Variants in CCDC181 observed in about 807,000 individuals in gnomAD.
CCDC181 encodes coiled-coil domain containing 181.
In CCDC181, 35 loss-of-function variants were observed where a neutral mutation model predicts 58.7. The observed-to-expected ratio is 0.60, with a 90% CI of 0.46 to 0.79. The LOEUF is 0.79. CCDC181 is among the 30% of genes least tolerant of loss of function. CCDC181 has a pLI of 0.00. For synonymous variants in CCDC181, 183 were observed against 197.5 expected, an observed-to-expected ratio of 0.93 and a Z score of 0.62; for missense variants, 517 against 583.9, an observed-to-expected ratio of 0.89 and a Z score of 1.18.
At chr1:169,425,374 T>C (rs1012537171) in intron 1 of CCDC181, among the ~76,000 whole-genome samples, 3 of 151,794 alleles carry the variant, frequency 2.0e-5, no homozygotes, top group African/African-American at 7.2e-5. Flanking sequence ...AAAATAACTG[T>C]TAATTGTTCA....
intron 2 of CCDC181, among the ~76,000 whole-genome samples, chr1:169,447,309 C>T (rs1335923957): frequency 5.3e-5 from 8 of 152,088 alleles, no homozygotes; most frequent in South Asian, 2.1e-4. Flanking sequence ...GACAAGGTTT[C>T]GCCATGATGG....
At chr1:169,454,341 A>G (rs1657628673) in intron 2 of CCDC181, 1 of 152,092 alleles carries the variant, frequency 6.6e-6, no homozygotes, top group Non-Finnish European at 1.5e-5. Context: ...ATGTATAGAT[A>G]ATTCAACACA....
At chr1:169,400,611 T>C (rs1482033361) in intron 4 of CCDC181, among the ~76,000 whole-genome samples, 1 of 152,096 alleles carries the variant, frequency 6.6e-6, no homozygotes, top group Non-Finnish European at 1.5e-5. Flanking sequence ...AGGTCTAATA[T>C]GTAAGAAATG....
At chr1:169,399,362 T>C (rs1183719868) in intron 4 of CCDC181, among the ~76,000 whole-genome samples, 1 of 152,222 alleles carries the variant, frequency 6.6e-6, no homozygotes, top group African/African-American at 2.4e-5. Context: ...AAAAATTGAA[T>C]GGATAGTTTT....
At position 169,435,922 on chromosome 1, in the gene CCDC181, G is replaced by A. The variant is rs150878958; in HGVS notation, c.-23-10972C>T. On this transcript the variant is annotated intron_variant, in intron 2 of 6. Coordinates refer to the CCDC181 transcript ENST00000545005. ...ATAACTGAGCATTAAAGGTGAAATG[G>A]ATAGTGTAAAAATCATAATAACATC... 8.4e-3 allele frequency among the ~76,000 whole-genome samples: 1,279 copies of A among 152,234 alleles called. 9 individuals carry two copies. Among genetic ancestry groups the A allele is most frequent in the Middle Eastern group, 0.017 (5 of 294 alleles).
At chr1:169,451,398 G>T (rs1657530212) in intron 2 of CCDC181, 1 of 152,056 alleles carries the variant, frequency 6.6e-6, no homozygotes, top group African/African-American at 2.4e-5. Flanking sequence ...AACTATAGTA[G>T]CACAATTTGT....
rs1409493390 is a variant in CCDC181 at position 169,422,001 on chromosome 1, C to G, written c.430G>C (p.Val144Leu). The change falls in exon 3 of 6, where the codon GTG (valine) becomes CTG (leucine). Residue 144 changes from valine (V) to leucine (L), a missense_variant. Physicochemically the swap from Val to Leu is conservative, Grantham distance 32. Coordinates refer to ENST00000367806, the MANE Select transcript of CCDC181 (RefSeq NM_001300969.2). The stretch of plus-strand genomic sequence containing the variant: ...AGTTTTCGCTCCCTTTTATCATTCA[C>G]CGGTTCTTGATTCTGTAGAAGCTTG... Reference protein sequence around the residue: ...ANKLLQNQEPVNDKRERKLKF... With the variant: ...ANKLLQNQEPLNDKRERKLKF... 3 of 1,613,988 alleles carry G rather than the reference C, an allele frequency of 1.9e-6. No individual in the cohort carries two copies. Among genetic ancestry groups the G allele is most frequent in the Non-Finnish European group, 2.5e-6 (3 of 1,180,010 alleles).
At chr1:169,452,208 C>A (rs1411261752) in intron 2 of CCDC181, among the ~76,000 whole-genome samples, 1 of 151,822 alleles carries the variant, frequency 6.6e-6, no homozygotes. Flanking sequence ...AAAGGAGATC[C>A]AGGAGTAACC....
At position 169,421,465 on chromosome 1, in the gene CCDC181, CT is replaced by C. The variant is rs1318640499; in HGVS notation, c.965del (p.Gln322ArgfsTer8). On this transcript the variant is annotated frameshift_variant, in exon 3 of 6. Transcript: ENST00000367806. LOFTEE classifies it high-confidence loss of function. ...KGNGKSNHRT[Q>X]SAHISPVTST... Reference sequence around the variant, plus strand: ...AAGTCACTGGTGAGATATGTGCAGACTGTGTCCTGTGATTAGATTTCCCATT... The same window carrying C: ...AAGTCACTGGTGAGATATGTGCAGACGTGTCCTGTGATTAGATTTCCCATT... 7 of 1,613,960 alleles carry C rather than the reference CT, an allele frequency of 4.3e-6. No homozygotes were observed. The highest frequency in any genetic ancestry group is 5.9e-6 in the Non-Finnish European group (7 of 1,180,026).
In CCDC181 at chr1:169,421,710, G is replaced by T; in HGVS notation, c.721C>A (p.Pro241Thr). 1 of 1,613,992 alleles carries T rather than the reference G, an allele frequency of 6.2e-7. No homozygotes were observed. Among genetic ancestry groups the T allele is most frequent in the East Asian group, 2.2e-5 (1 of 44,882 alleles). ...TCTGTACTATTTGCATTATTAATGG[G>T]AGGCAAAAACCCCTGACTGGCAATG... Reference protein sequence around the residue: ...QDIASQGFLPPINNANSTEND... With the variant: ...QDIASQGFLPTINNANSTEND... The change falls in exon 3 of 6, where the codon CCC becomes ACC. Residue 241 changes from proline (P) to threonine (T), a missense_variant. Coordinates refer to ENST00000367806, the MANE Select transcript of CCDC181 (RefSeq NM_001300969.2).
At chr1:169,433,886 G>A (rs115396270) in intron 2 of CCDC181, among the ~76,000 whole-genome samples, 243 of 152,164 alleles carry the variant, frequency 1.6e-3, no homozygotes, top group African/African-American at 5.4e-3. Flanking sequence ...AGATATGACA[G>A]CAAAAGCACA....
At chr1:169,405,487 C>T (rs1479701148) in intron 4 of CCDC181, among the ~76,000 whole-genome samples, 1 of 152,146 alleles carries the variant, frequency 6.6e-6, no homozygotes, top group Non-Finnish European at 1.5e-5. Context: ...GAACAGAACC[C>T]TCAGAAATAA....
chr1:169,459,905 G>GGAAAAAA (rs1657794386), intron 1 of CCDC181: 2 of 75,184 alleles, frequency 2.7e-5, no homozygotes, highest in Admixed American at 1.6e-4. Context: ...TTGAAATTAG[G>GGAAAAAA]AAAAAAAAAA....
chr1:169,431,822 C>G (rs1434835513), upstream of CCDC181, among the ~76,000 whole-genome samples: 3 of 152,136 alleles, frequency 2.0e-5, no homozygotes, highest in Non-Finnish European at 2.9e-5. Flanking sequence ...TGCTTCTGAT[C>G]AAGGAGATGC....
intron 2 of CCDC181, among the ~76,000 whole-genome samples, chr1:169,434,560 A>G (rs1271368541): frequency 6.6e-6 from 1 of 152,070 alleles, no homozygotes; most frequent in Non-Finnish European, 1.5e-5. Context: ...TGAATGGATA[A>G]GCAAATGTAG....
Position 169,421,916 on chromosome 1 carries a change from A to G in CCDC181, c.515T>C (p.Phe172Ser), listed in dbSNP as rs3820059. 0.67 allele frequency: 1,079,453 copies of G among 1,613,226 alleles called. 364,763 individuals are homozygous for G. Among genetic ancestry groups the G allele is most frequent in the East Asian group, 0.93 (41,657 of 44,862 alleles). Residue 172 changes from phenylalanine (F) to serine (S), a missense_variant, in exon 3 of 6, where the codon TTT becomes TCT. Physicochemically the swap from Phe to Ser is radical, Grantham distance 155 (BLOSUM62 -2). Transcript: ENST00000367806. ...EVPPLEDTTTFKNYFENERNM... is the reference protein window; with the variant it reads ...EVPPLEDTTTSKNYFENERNM... Reference sequence around the variant, plus strand: ...CCTTTCGTTTTCAAAATAATTTTTAAAAGTAGTAGTGTCTTCTAGTGGAGG... The same window carrying G: ...CCTTTCGTTTTCAAAATAATTTTTAGAAGTAGTAGTGTCTTCTAGTGGAGG...
chr1:169,414,508 C>A (rs1001129788), intron 4 of CCDC181, among the ~76,000 whole-genome samples: 1 of 152,158 alleles, frequency 6.6e-6, no homozygotes, highest in Non-Finnish European at 1.5e-5. Flanking sequence ...ATGCAGAATA[C>A]ACAAGGTATA....
chr1:169,431,786 G>C (rs1162177003), upstream of CCDC181, among the ~76,000 whole-genome samples: 1 of 152,146 alleles, frequency 6.6e-6, no homozygotes, highest in African/African-American at 2.4e-5. Flanking sequence ...CTATTGATGA[G>C]GGTCTATGTT....
In CCDC181 at chr1:169,397,397, T is replaced by C; in HGVS notation, c.1216-6A>G. ...TGTGGATCTCTGTTTTCCTGCTGAT[T>C]AGAAAAACAAGCTTTACTTAGTTTA... On this transcript the variant is annotated splice_polypyrimidine_tract_variant and splice_region_variant and intron_variant, in intron 4 of 5. Transcript: ENST00000367806. The C allele has an allele frequency of 1.3e-6, 2 of 1,595,764 alleles. No individual in the cohort carries two copies. Among genetic ancestry groups the C allele is most frequent in the South Asian group, 2.3e-5 (2 of 87,646 alleles).
Sources: allele counts gnomAD v4.1 joint callset (sites outside exome capture counted in the v4.1 genomes callset), GRCh38; gene constraint gnomAD v4.1.1; transcripts MANE v1.5; gene names NCBI Gene and HGNC (gene_info 2026-07-23, HGNC 2026-07-21).